IFT140: variants seen among roughly 807,000 people sequenced by gnomAD.
IFT140 encodes the protein intraflagellar transport 140, also known as intraflagellar transport protein 140 homolog.
IFT140 carries 133 observed loss-of-function variants against 164.6 expected under a neutral mutation model. That is an observed-to-expected ratio of 0.81 (90% CI 0.70 to 0.93). IFT140 has a LOEUF of 0.93. Ranked by LOEUF, IFT140 falls within the 40% of genes least tolerant of loss-of-function variation. The pLI, the probability that IFT140 is intolerant of heterozygous loss-of-function variation, is 0.00. For missense variants in IFT140, 2,045 were observed against 1,972.3 expected, an observed-to-expected ratio of 1.04 and a Z score of -0.70; for synonymous variants, 860 against 817.3, an observed-to-expected ratio of 1.05 and a Z score of -0.89.
intron 19 of IFT140, among the ~76,000 whole-genome samples, chr16:1,557,061 C>T (rs913598547): frequency 6.6e-6 from 1 of 152,172 alleles, no homozygotes; most frequent in Non-Finnish European, 1.5e-5. Flanking sequence ...CTCAGGTGAT[C>T]CACCCACCTC....
intron 19 of IFT140, among the ~76,000 whole-genome samples, chr16:1,547,573 G>A (rs1386458106): frequency 1.3e-5 from 2 of 152,112 alleles, no homozygotes; most frequent in Non-Finnish European, 2.9e-5. Flanking sequence ...GTCTCACTCC[G>A]ATACCCAGCC....
Position 1,531,833 on chromosome 16 carries a change from C to G in IFT140, c.2400-5037G>C, listed in dbSNP as rs982167808. On this transcript the variant is annotated intron_variant, in intron 19 of 30. Coordinates refer to ENST00000426508, the MANE Select transcript of IFT140 (RefSeq NM_014714.4). The surrounding 1 kb of genome is among the most constrained non-coding windows in gnomAD (Gnocchi z 4.7). Reference sequence around the variant, plus strand: ...TGCTGCCGCTGTGTAGGAGTCTGGCCGTGGCCTCCTCCCCACTCAACCTGA... The same window carrying G: ...TGCTGCCGCTGTGTAGGAGTCTGGCGGTGGCCTCCTCCCCACTCAACCTGA... 2.6e-5 allele frequency: 4 copies of G among 152,190 alleles called. No individual in the cohort carries two copies. Among genetic ancestry groups the G allele is most frequent in the African/African-American group, 9.7e-5 (4 of 41,418 alleles). The allele number at this position is 152,190 out of a possible 1,614,324, so 9.4% of individuals were successfully genotyped here.
At chr16:1,573,521 C>A (rs932573970) in intron 13 of IFT140, among the ~76,000 whole-genome samples, 1 of 152,074 alleles carries the variant, frequency 6.6e-6, no homozygotes, top group Non-Finnish European at 1.5e-5. Flanking sequence ...CTCCAAGGCA[C>A]CACGAACTCG....
intron 11 of IFT140, 128 bp from the exon 12 acceptor site, chr16:1,583,514 A>G (rs1425222736): frequency 4.4e-6 from 3 of 682,774 alleles, no homozygotes; most frequent in East Asian, 2.7e-5. Context: ...TCCTACGACT[A>G]TGAGATCACT....
chr16:1,516,726 C>T lies in IFT140; in HGVS notation c.4182+1490G>A, dbSNP rs1204362770. Among the ~76,000 whole-genome samples the T allele has an allele frequency of 2.7e-5, 4 of 145,646 alleles. No homozygotes were observed. In the East Asian group the frequency reaches 8.1e-4, roughly 29 times the overall value. ...CAGAGCTTGCAGTGAGCCGAGATTG[C>T]ACCACCGCACTCCAGCCTGGGCGAC... On this transcript the variant is annotated intron_variant, in intron 30 of 30. Coordinates refer to ENST00000426508, the MANE Select transcript of IFT140 (RefSeq NM_014714.4).
chr16:1,525,848 C>A, intron 21 of IFT140, 39 bp downstream of exon 21: 1 of 1,485,944 alleles, frequency 6.7e-7, no homozygotes. Context: ...CCAGGGCCAT[C>A]CAGAGAGGCA....
At chr16:1,547,457 T>C (rs927539097) in intron 19 of IFT140, among the ~76,000 whole-genome samples, 6 of 152,238 alleles carry the variant, frequency 3.9e-5, no homozygotes, top group Non-Finnish European at 5.9e-5. Flanking sequence ...GAAAGTCTGC[T>C]GTTCTCTTAG....
chr16:1,549,145 C>T (rs149768875), intron 19 of IFT140, among the ~76,000 whole-genome samples: 209 of 152,360 alleles, frequency 1.4e-3, no homozygotes, highest in African/African-American at 4.8e-3. Flanking sequence ...GTCTCACTGG[C>T]GTCCGAGGGC....
chr16:1,519,464 G>A (rs2040455629), intron 29 of IFT140, among the ~76,000 whole-genome samples: 8 of 152,080 alleles, frequency 5.3e-5, no homozygotes, highest in Admixed American at 5.2e-4. Context: ...CCACAAGCTT[G>A]GAGCTGGTGG....
chr16:1,534,730 A>G (rs1377717998), intron 19 of IFT140, among the ~76,000 whole-genome samples: 3 of 150,834 alleles, frequency 2.0e-5, no homozygotes, highest in African/African-American at 7.2e-5. Flanking sequence ...CCAGGCCCCA[A>G]GGCCCCCTCT....
At position 1,564,331 on chromosome 16, in the gene IFT140, C is replaced by G. The variant is rs1210122560; in HGVS notation, c.1902-169G>C. ...CTCACTGCCATGCGCCCTACTGGAA[C>G]ATGTTCTCAGATTTTAACAACTGGG... On this transcript the variant is annotated intron_variant, in intron 16 of 30. Coordinates refer to ENST00000426508, the MANE Select transcript of IFT140 (RefSeq NM_014714.4). The surrounding 1 kb of genome is among the most constrained non-coding windows in gnomAD (Gnocchi z 5.5). Among the ~76,000 whole-genome samples the G allele has an allele frequency of 1.3e-5, 2 of 152,222 alleles. No individual in the cohort carries two copies. Among genetic ancestry groups the G allele is most frequent in the African/African-American group, 4.8e-5 (2 of 41,446 alleles).
Position 1,510,492 on chromosome 16 carries a change from AGGGGGTGCAGCCGCCAAGGCCC to A in IFT140, c.*430_*451del, listed in dbSNP as rs1377690289. ...TGGTGGCCGGTGGGCAGAGCCTAGC[AGGGGGTGCAGCCGCCAAGGCCC>A]GGGTGTCCCAGCTGTTGCTCAGGAG... On this transcript the variant is annotated 3_prime_UTR_variant, in exon 31 of 31. Coordinates refer to ENST00000426508, the MANE Select transcript of IFT140 (RefSeq NM_014714.4). The A allele has an allele frequency of 4.1e-6, 1 of 243,772 alleles. No individual in the cohort carries two copies. Among genetic ancestry groups the A allele is most frequent in the Non-Finnish European group, 8.0e-6 (1 of 124,312 alleles). The allele number at this position is 243,772 out of a possible 1,614,324, so 15.1% of individuals were successfully genotyped here. A position where few individuals can be genotyped will look rare whatever the true frequency, so the allele number is the denominator to read the frequency against.
intron 30 of IFT140, among the ~76,000 whole-genome samples, chr16:1,515,070 G>A (rs935083783): frequency 6.6e-6 from 1 of 152,028 alleles, no homozygotes; most frequent in African/African-American, 2.4e-5. Flanking sequence ...AGAAAATAAT[G>A]AGCAGTAATC....
chr16:1,530,530 G>T (rs544925981), intron 19 of IFT140, among the ~76,000 whole-genome samples: 1 of 152,204 alleles, frequency 6.6e-6, no homozygotes, highest in African/African-American at 2.4e-5. Context: ...TACCTGCCCC[G>T]CGTGGCTCCT....
Position 1,520,230 on chromosome 16 carries a change from G to T in IFT140, c.3774C>A (p.Asp1258Glu). ...TCATGATCTCCGGCTCCTTCCGCCA[G>T]TCCAGGGACTGCAGGTAGTTAGCAG... is the stretch of plus-strand genomic sequence containing the variant. Reference protein sequence around the residue: ...IMAANYLQSLDWRKEPEIMKN... With the variant: ...IMAANYLQSLEWRKEPEIMKN... Residue 1258 changes from aspartate (D) to glutamate (E), a missense_variant, in exon 28 of 31, where the codon GAC becomes GAA. Transcript: ENST00000426508. 2.5e-6 allele frequency: 4 copies of T among 1,614,258 alleles called. No homozygotes were observed. Among genetic ancestry groups the T allele is most frequent in the Non-Finnish European group, 3.4e-6 (4 of 1,180,052 alleles).
intron 19 of IFT140, among the ~76,000 whole-genome samples, chr16:1,545,281 G>A (rs967965631): frequency 6.6e-6 from 1 of 151,974 alleles, no homozygotes; most frequent in East Asian, 1.9e-4. Flanking sequence ...CCGCCAGAAC[G>A]GCAGGCACCA....
intron 19 of IFT140, among the ~76,000 whole-genome samples, chr16:1,547,557 G>C (rs1327578482): frequency 2.6e-5 from 4 of 152,078 alleles, no homozygotes; most frequent in Admixed American, 2.6e-4. Context: ...ATTTATTCGA[G>C]ATAGGGTCTC....
chr16:1,586,896 G>A (rs1442183528), intron 9 of IFT140, among the ~76,000 whole-genome samples: 2 of 152,054 alleles, frequency 1.3e-5, no homozygotes, highest in Non-Finnish European at 2.9e-5. Context: ...TTGTGGAGAC[G>A]GGGTCTCACT....
intron 14 of IFT140, among the ~76,000 whole-genome samples, chr16:1,568,994 T>C (rs72761114): frequency 0.022 from 3,294 of 150,472 alleles, 66 homozygotes; most frequent in South Asian, 0.071. Context: ...AAGTATGTAG[T>C]GGTAGCTTGT....
Sources: allele counts gnomAD v4.1 joint callset (sites outside exome capture counted in the v4.1 genomes callset), GRCh38; gene constraint gnomAD v4.1.1; non-coding constraint Gnocchi (gnomAD v3.1); transcripts MANE v1.5; gene names NCBI Gene and HGNC (gene_info 2026-07-23, HGNC 2026-07-21).